Variants in KCNN2 observed in about 807,000 individuals in gnomAD.
KCNN2 encodes the protein small conductance calcium-activated potassium channel protein 2.
Under a neutral mutation model 55.5 loss-of-function variants are expected in KCNN2, and 24 were observed. The ratio of observed to expected loss-of-function variants is 0.43; its 90% CI spans 0.31 to 0.61. The LOEUF is 0.61. Among genes scored for constraint, KCNN2 ranks in the 20% least tolerant of loss-of-function variants. KCNN2 has a pLI of 0.08. For synonymous variants in KCNN2, 431 were observed against 336.1 expected (o/e 1.28, Z -3.09); for missense variants, 754 against 853.6 (o/e 0.88, Z 1.45).
intron 3 of KCNN2, among the ~76,000 whole-genome samples, chr5:114,461,270 A>G (rs775622706): frequency 6.6e-6 from 1 of 152,162 alleles, no homozygotes; most frequent in East Asian, 1.9e-4. Context: ...CTAGGAATAC[A>G]TATGACTTTC....
At chr5:114,291,449 T>C (rs960779301) in intron 2 of KCNN2, among the ~76,000 whole-genome samples, 1 of 151,518 alleles carries the variant, frequency 6.6e-6, no homozygotes, top group African/African-American at 2.5e-5. Context: ...GTTCGGTTTT[T>C]TGTCCTTGCA....
intron 1 of KCNN2, among the ~76,000 whole-genome samples, chr5:114,139,331 TG>T (rs1214281097): frequency 6.6e-6 from 1 of 152,098 alleles, no homozygotes; most frequent in African/African-American, 2.4e-5. Flanking sequence ...TACTGAGGAC[TG>T]TGTAAGTGCT....
intron 1 of KCNN2, among the ~76,000 whole-genome samples, chr5:114,095,611 G>C (rs946067537): frequency 1.2e-4 from 18 of 152,224 alleles, no homozygotes; most frequent in African/African-American, 3.9e-4. Flanking sequence ...TTGTTCCAGG[G>C]AGCATGTTTT....
intron 1 of KCNN2, among the ~76,000 whole-genome samples, chr5:114,058,148 C>A (rs1457069831): frequency 1.3e-5 from 2 of 152,078 alleles, no homozygotes; most frequent in African/African-American, 4.8e-5. Flanking sequence ...CTGGAGGGAC[C>A]ACCAAGGCCT....
chr5:114,291,082 A>G (rs1561557640), intron 2 of KCNN2, among the ~76,000 whole-genome samples: 1 of 152,136 alleles, frequency 6.6e-6, no homozygotes, highest in East Asian at 1.9e-4. Flanking sequence ...AATAATGTAC[A>G]TGGGATTATA....
Position 114,404,443 on chromosome 5 carries a change from C to G in KCNN2, c.1224C>G (p.Phe408Leu). ...TTTCTACTTTATTTTTTCAGTTGTTCATGGTGGACAATGGAGCAGATGACT... is the reference window on the plus strand; with the variant it reads ...TTTCTACTTTATTTTTTCAGTTGTTGATGGTGGACAATGGAGCAGATGACT... ...IVYHAREIQL[F>L]MVDNGADDWR... is the part of the protein sequence containing the mutation. The change falls in exon 3 of 8, where the codon TTC becomes TTG. Residue 408 changes from phenylalanine to leucine, a missense_variant. Coordinates refer to ENST00000673685, the MANE Select transcript of KCNN2 (RefSeq NM_021614.4). 1 of 1,610,108 alleles carries G rather than the reference C, an allele frequency of 6.2e-7. No individual in the cohort carries two copies. Among genetic ancestry groups the G allele is most frequent in the Non-Finnish European group, 8.5e-7 (1 of 1,177,526 alleles).
intron 2 of KCNN2, among the ~76,000 whole-genome samples, chr5:114,308,594 A>C (rs867603316): frequency 4.2e-4 from 64 of 152,194 alleles, no homozygotes; most frequent in African/African-American, 1.5e-3. Context: ...AAGCAATAGC[A>C]CACAGTTCAG....
chr5:114,294,280 A>T (rs1046929105), intron 2 of KCNN2, among the ~76,000 whole-genome samples: 11 of 151,616 alleles, frequency 7.3e-5, no homozygotes, highest in Non-Finnish European at 1.2e-4. Context: ...TTTAATTGTG[A>T]TGTTAGGGTG....
chr5:114,139,929 A>G (rs1042058222), intron 1 of KCNN2, among the ~76,000 whole-genome samples: 9 of 152,014 alleles, frequency 5.9e-5, no homozygotes, highest in Non-Finnish European at 1.0e-4. Flanking sequence ...AACCAAAATA[A>G]CATATTTAAA....
chr5:114,462,060 CAT>C (rs1213303311), intron 3 of KCNN2, among the ~76,000 whole-genome samples: 1 of 152,128 alleles, frequency 6.6e-6, no homozygotes, highest in African/African-American at 2.4e-5. Context: ...GCCTGACTGT[CAT>C]AGAAACCAGA....
chr5:114,131,216 G>T (rs1752065202), intron 1 of KCNN2, among the ~76,000 whole-genome samples: 2 of 152,054 alleles, frequency 1.3e-5, no homozygotes, highest in Admixed American at 1.3e-4. Flanking sequence ...TTTGCTGCAC[G>T]AATTAACCCA....
At chr5:114,238,650 T>G (rs2112612238) in intron 2 of KCNN2, among the ~76,000 whole-genome samples, 1 of 152,058 alleles carries the variant, frequency 6.6e-6, no homozygotes, top group African/African-American at 2.4e-5. Flanking sequence ...AGGATTATTG[T>G]TCTCTACTGT....
intron 1 of KCNN2, among the ~76,000 whole-genome samples, chr5:114,175,811 A>G (rs951307902): frequency 7.2e-5 from 11 of 152,328 alleles, no homozygotes; most frequent in Non-Finnish European, 1.5e-4. Flanking sequence ...GAATTGCTGT[A>G]TAATTTGCCA....
intron 1 of KCNN2, among the ~76,000 whole-genome samples, chr5:114,185,475 C>G (rs529086210): frequency 6.6e-6 from 1 of 152,332 alleles, no homozygotes. Flanking sequence ...CAGGGAGGAG[C>G]CCGGCCTCTC....
At chr5:114,091,130 G>A (rs1253812989) in intron 1 of KCNN2, among the ~76,000 whole-genome samples, 3 of 152,118 alleles carry the variant, frequency 2.0e-5, no homozygotes, top group Non-Finnish European at 4.4e-5. Context: ...GTGAACCACT[G>A]TGCCCAGCTG....
chr5:114,171,839 T>A (rs1452524135), intron 1 of KCNN2, among the ~76,000 whole-genome samples: 11 of 152,022 alleles, frequency 7.2e-5, no homozygotes, highest in African/African-American at 2.6e-4. Flanking sequence ...ATGGCTGCTT[T>A]ACCATGTCTT....
At position 114,175,098 on chromosome 5, in the gene KCNN2, C is replaced by G. The variant is rs942573827; in HGVS notation, c.-270-46382C>G. ...GTTATGACAGTTTGGGCTTGTTTAG[C>G]AAGAGGTAGTTATAAGCTGTGGTTT... On this transcript the variant is annotated intron_variant, in intron 1 of 10. Transcript: ENST00000512097. Among the ~76,000 whole-genome samples the G allele has an allele frequency of 8.5e-5, 13 of 152,088 alleles. 1 individual carries two copies. The highest frequency in any genetic ancestry group is 1.5e-5 in the Non-Finnish European group (1 of 67,992).
At chr5:114,265,464 T>C (rs1561546122) in intron 2 of KCNN2, among the ~76,000 whole-genome samples, 3 of 151,954 alleles carry the variant, frequency 2.0e-5, no homozygotes, top group Admixed American at 1.3e-4. Flanking sequence ...GGAAAACTGA[T>C]AGTGTAAGTT....
intron 2 of KCNN2, among the ~76,000 whole-genome samples, chr5:114,235,439 A>G (rs1754469936): frequency 1.3e-5 from 2 of 152,366 alleles, no homozygotes; most frequent in South Asian, 4.1e-4. Context: ...TGTCAAATAA[A>G]ACAAAACAAT....
Sources: gnomAD v4.1 joint callset for allele counts (sites outside exome capture counted in the v4.1 genomes callset) on GRCh38, gnomAD v4.1.1 for gene constraint, MANE v1.5 for transcripts, NCBI Gene and HGNC (gene_info 2026-07-23, HGNC 2026-07-21) for gene names.